MAP3K7CL: variants seen among roughly 807,000 people sequenced by gnomAD.
MAP3K7CL encodes MAP3K7 C-terminal like.
Under a neutral mutation model 18.6 loss-of-function variants are expected in MAP3K7CL, and 16 were observed. The ratio of observed to expected loss-of-function variants is 0.86; its 90% confidence interval spans 0.58 to 1.31. The LOEUF is 1.31. MAP3K7CL is among the 50% of genes most tolerant of loss of function. The pLI, the probability that MAP3K7CL is intolerant of heterozygous loss-of-function variation, is 0.00. For synonymous variants in MAP3K7CL, 65 were observed against 66.8 expected (o/e 0.97, Z 0.13); for missense variants, 163 against 174.4 (o/e 0.93, Z 0.37).
chr21:29,104,520 G>T (rs897756471), intron 4 of MAP3K7CL, among the ~76,000 whole-genome samples: 1 of 152,170 alleles, frequency 6.6e-6, no homozygotes, highest in Non-Finnish European at 1.5e-5. Flanking sequence ...TTTCAATTCT[G>T]TGCTAACCAG....
At chr21:29,113,907 G>T (rs540297533) in intron 4 of MAP3K7CL, among the ~76,000 whole-genome samples, 230 of 152,290 alleles carry the variant, frequency 1.5e-3, no homozygotes, top group Non-Finnish European at 2.3e-3. Flanking sequence ...CTGGGCGAGG[G>T]CATTTGGCAA....
chr21:29,102,517 A>C (rs1220763023), intron 4 of MAP3K7CL: 4 of 116,222 alleles, frequency 3.4e-5, no homozygotes, highest in Non-Finnish European at 5.0e-5. Flanking sequence ...GGGTCTCGCT[A>C]TGTTGCCCAG....
At chr21:29,136,165 C>T (rs942538482) in intron 2 of MAP3K7CL, among the ~76,000 whole-genome samples, 2 of 152,204 alleles carry the variant, frequency 1.3e-5, no homozygotes, top group Non-Finnish European at 2.9e-5. Context: ...GGGCCCAGGA[C>T]TCTCTATTTT....
At chr21:29,085,791 C>A, upstream of MAP3K7CL, 1 of 1,508,494 alleles carries the variant, frequency 6.6e-7, no homozygotes, top group Non-Finnish European at 9.2e-7. Context: ...GATGCAGAAT[C>A]ATAACTCTCT....
intron 2 of MAP3K7CL, among the ~76,000 whole-genome samples, chr21:29,135,920 A>G (rs929704305): frequency 2.0e-5 from 3 of 152,120 alleles, no homozygotes; most frequent in African/African-American, 7.2e-5. Flanking sequence ...GTGTGTCCTC[A>G]TATCTCTAGA....
chr21:29,108,862 A>G (rs2086369705), intron 4 of MAP3K7CL, among the ~76,000 whole-genome samples: 1 of 152,204 alleles, frequency 6.6e-6, no homozygotes, highest in Non-Finnish European at 1.5e-5. Flanking sequence ...AGGAGGTCAA[A>G]TGAAACAGTC....
At chr21:29,088,750 A>G (rs566852951) in intron 1 of MAP3K7CL, among the ~76,000 whole-genome samples, 2 of 152,326 alleles carry the variant, frequency 1.3e-5, no homozygotes, top group African/African-American at 4.8e-5. Context: ...AAGAAAGCAG[A>G]GAGAGTCTAC....
chr21:29,092,394 C>T (rs1347283630), intron 3 of MAP3K7CL: 2 of 1,610,188 alleles, frequency 1.2e-6, no homozygotes, highest in African/African-American at 1.3e-5. Context: ...TGTGCGGGGT[C>T]ATTTGTCTCA....
intron 3 of MAP3K7CL, among the ~76,000 whole-genome samples, chr21:29,155,469 G>C (rs1006562941): frequency 1.3e-5 from 2 of 152,148 alleles, no homozygotes; most frequent in African/African-American, 4.8e-5. Context: ...GGGTGGCTTG[G>C]CTGGGTCCTT....
intron 1 of MAP3K7CL, among the ~76,000 whole-genome samples, chr21:29,078,914 A>G (rs1019521754): frequency 3.3e-5 from 5 of 152,248 alleles, no homozygotes; most frequent in Admixed American, 2.0e-4. Flanking sequence ...TAAAGATGCA[A>G]GGACACTTTT....
upstream of MAP3K7CL, chr21:29,127,954 G>C (rs377569579): frequency 1.7e-4 from 26 of 152,372 alleles, no homozygotes; most frequent in African/African-American, 6.3e-4. Context: ...GGTCAGTGCA[G>C]AAAAGGAAGG....
At chr21:29,165,873 T>A (rs1293428208) in intron 4 of MAP3K7CL, among the ~76,000 whole-genome samples, 3 of 152,230 alleles carry the variant, frequency 2.0e-5, no homozygotes, top group Admixed American at 2.0e-4. Flanking sequence ...TTTTATTTGT[T>A]TTTAATTGAC....
intron 3 of MAP3K7CL, among the ~76,000 whole-genome samples, chr21:29,158,449 G>C (rs1332063527): frequency 6.6e-6 from 1 of 152,202 alleles, no homozygotes; most frequent in Non-Finnish European, 1.5e-5. Flanking sequence ...GATTTTCCAT[G>C]AACTGGGACA....
intron 4 of MAP3K7CL, among the ~76,000 whole-genome samples, chr21:29,167,476 T>C (rs891239128): frequency 7.2e-5 from 11 of 152,136 alleles, no homozygotes; most frequent in African/African-American, 2.7e-4. Flanking sequence ...TTAAAATTAG[T>C]GCAATTTTGA....
chr21:29,153,130 T>A (rs1017134165), intron 3 of MAP3K7CL, among the ~76,000 whole-genome samples: 1 of 152,224 alleles, frequency 6.6e-6, no homozygotes, highest in Non-Finnish European at 1.5e-5. Context: ...AAAAAAGCCT[T>A]GTGCAAGAAT....
chr21:29,170,837 C>T (rs1455846713), intron 4 of MAP3K7CL, among the ~76,000 whole-genome samples: 1 of 151,824 alleles, frequency 6.6e-6, no homozygotes, highest in Non-Finnish European at 1.5e-5. Flanking sequence ...CAGGGTTTCA[C>T]CATGTTGGCC....
chr21:29,117,032 G>A (rs1215564110), intron 4 of MAP3K7CL, among the ~76,000 whole-genome samples: 1 of 152,060 alleles, frequency 6.6e-6, no homozygotes, highest in Non-Finnish European at 1.5e-5. Context: ...CTTGAGTAAG[G>A]CTTTTTGTGG....
chr21:29,100,083 TA>T (rs397727880), intron 4 of MAP3K7CL, among the ~76,000 whole-genome samples: 14,221 of 122,798 alleles, frequency 0.12, 946 homozygotes, highest in East Asian at 0.36. Context: ...ACTCCGTCTT[TA>T]AAAAAAAAAA....
chr21:29,146,060 C>CT (rs554452223), intron 2 of MAP3K7CL, among the ~76,000 whole-genome samples: 155 of 146,248 alleles, frequency 1.1e-3, no homozygotes, highest in East Asian at 3.8e-3. Flanking sequence ...AAATGGATAA[C>CT]TTTTTTTTTT....
Sources: allele counts gnomAD v4.1 joint callset (sites outside exome capture counted in the v4.1 genomes callset), GRCh38; gene constraint gnomAD v4.1.1; transcripts MANE v1.5; gene names NCBI Gene and HGNC (gene_info 2026-07-23, HGNC 2026-07-21).